The following CSMD1 variants were observed in gnomAD, a reference collection of about 807,000 sequenced individuals.
CSMD1 encodes CUB and Sushi multiple domains 1, also known as CUB and sushi domain-containing protein 1.
CSMD1 carries 213 observed loss-of-function variants against 417.5 expected under a neutral mutation model. The ratio of observed to expected loss-of-function variants is 0.51; its 90% confidence interval spans 0.46 to 0.57. The LOEUF (loss-of-function observed/expected upper bound fraction) is 0.57. CSMD1 is among the 20% of genes least tolerant of loss of function. CSMD1 has a pLI of 0.00. For missense variants in CSMD1, 6,923 were observed against 4,529.7 expected (o/e 1.53, Z -15.17); for synonymous variants, 2,862 against 1,736.8 (o/e 1.65, Z -16.11).
At chr8:4,818,594 T>C (rs1359689534) in intron 1 of CSMD1, among the ~76,000 whole-genome samples, 1 of 152,170 alleles carries the variant, frequency 6.6e-6, no homozygotes, top group Non-Finnish European at 1.5e-5. Flanking sequence ...AAATCATGTG[T>C]CAGGCCACTT....
intron 1 of CSMD1, among the ~76,000 whole-genome samples, chr8:4,640,276 A>G (rs931319730): frequency 6.6e-6 from 1 of 152,230 alleles, no homozygotes; most frequent in Non-Finnish European, 1.5e-5. Flanking sequence ...AGCAGAATGA[A>G]TATCATCGTT....
intron 1 of CSMD1, among the ~76,000 whole-genome samples, chr8:4,823,517 C>T (rs1799637457): frequency 6.6e-6 from 1 of 152,014 alleles, no homozygotes; most frequent in Admixed American, 6.6e-5. Flanking sequence ...TTGCAATGTA[C>T]CTCATCTATA....
intron 7 of CSMD1, among the ~76,000 whole-genome samples, chr8:3,655,459 TATA>T (rs1798053897): frequency 6.6e-6 from 1 of 152,186 alleles, no homozygotes; most frequent in Non-Finnish European, 1.5e-5. Context: ...TCTACATAAT[TATA>T]ATGACAAACA....
At chr8:3,278,208 A>G (rs1257224603) in intron 26 of CSMD1, among the ~76,000 whole-genome samples, 2 of 152,200 alleles carry the variant, frequency 1.3e-5, no homozygotes, top group East Asian at 1.9e-4. Flanking sequence ...AGAGAGTCAA[A>G]TAAGTGTTTA....
At chr8:4,026,337 T>C (rs1797064169) in intron 4 of CSMD1, among the ~76,000 whole-genome samples, 1 of 152,222 alleles carries the variant, frequency 6.6e-6, no homozygotes, top group Non-Finnish European at 1.5e-5. Flanking sequence ...TGTAATAATC[T>C]ATAATACAGA....
At chr8:4,294,237 T>G (rs1259878865) in intron 3 of CSMD1, among the ~76,000 whole-genome samples, 1 of 152,192 alleles carries the variant, frequency 6.6e-6, no homozygotes, top group African/African-American at 2.4e-5. Context: ...CATCTCTGAA[T>G]TGATAGCATA....
chr8:2,951,393 T>A, intron 65 of CSMD1, 118 bp from the exon 66 acceptor site: 1 of 1,070,724 alleles, frequency 9.3e-7, no homozygotes, highest in Non-Finnish European at 1.3e-6. Context: ...AGGGCAGTGA[T>A]GAAGACAAGA....
rs1386917926 is a variant in CSMD1 at position 4,519,517 on chromosome 8, A to G, written c.303-99452T>C. Among the ~76,000 whole-genome samples, 60 of 151,806 alleles carry G rather than the reference A, an allele frequency of 4.0e-4. 1 individual carries two copies. The highest frequency in any genetic ancestry group is 3.9e-3 in the Admixed American group (59 of 15,226). ...CACTTTGGGAGGCCAAGCAGGGTGG[A>G]TCATCTGAGGTCAGGAGTTCAAGAC... On this transcript the variant is annotated intron_variant, in intron 2 of 69. Coordinates refer to ENST00000635120, the MANE Select transcript of CSMD1 (RefSeq NM_033225.6).
In CSMD1 at chr8:3,266,159, C is replaced by A. The variant is rs1801414596; in HGVS notation, c.4153+17985G>T. ...ACCTGATGTCCTGAGACCAACCCTC[C>A]AGGACACCTGCCTCTCAAGGGCAAG... On this transcript the variant is annotated intron_variant, in intron 26 of 69. Transcript: ENST00000635120. 4.0e-5 allele frequency among the ~76,000 whole-genome samples: 6 copies of A among 151,044 alleles called. No homozygotes were observed. The South Asian group carries it at 1.3e-3, about 32-fold the overall frequency.
Position 3,409,563 on chromosome 8 carries a change from T to A in CSMD1, c.1604A>T (p.Tyr535Phe), listed in dbSNP as rs771638156. The change falls in exon 13 of 70, where the codon TAT (tyrosine) becomes TTT (phenylalanine). Residue 535 changes from tyrosine to phenylalanine, a missense_variant. Physicochemically the swap from Tyr to Phe is conservative, Grantham distance 22. Coordinates refer to ENST00000635120, the MANE Select transcript of CSMD1 (RefSeq NM_033225.6). ...GGCGDPGIPA[Y>F]GKRTGSSFLH... ...GAAACTGCTGCCCGTCCGCTTCCCATAGGCGGGGATTCCAGGATCCCCACA... is the reference window on the plus strand; with the variant it reads ...GAAACTGCTGCCCGTCCGCTTCCCAAAGGCGGGGATTCCAGGATCCCCACA... 1.2e-6 allele frequency: 2 copies of A among 1,609,498 alleles called. No individual in the cohort carries two copies. Among genetic ancestry groups the A allele is most frequent in the Admixed American group, 1.7e-5 (1 of 59,548 alleles).
At chr8:4,030,062 G>C (rs1474997993) in intron 4 of CSMD1, among the ~76,000 whole-genome samples, 2 of 152,212 alleles carry the variant, frequency 1.3e-5, no homozygotes, top group African/African-American at 4.8e-5. Flanking sequence ...CTGTGACTTT[G>C]AAGAATACAG....
Position 3,410,729 on chromosome 8 carries a change from G to A in CSMD1, c.1562-1124C>T, listed in dbSNP as rs555681741. ...AATACAGGGGTTATGTTTTATGGAG[G>A]AAAATTTTTTAAAATTATTATTTTT... is the stretch of plus-strand genomic sequence containing the variant. On this transcript the variant is annotated intron_variant, in intron 12 of 69. Transcript: ENST00000635120. Among the ~76,000 whole-genome samples the A allele has an allele frequency of 2.6e-5, 4 of 152,204 alleles. No homozygotes were observed. In the South Asian group the frequency reaches 8.3e-4, roughly 32 times the overall value.
intron 5 of CSMD1, among the ~76,000 whole-genome samples, chr8:3,871,881 G>A (rs549157916): frequency 6.6e-6 from 1 of 152,214 alleles, no homozygotes; most frequent in African/African-American, 2.4e-5. Context: ...AAAATAACAG[G>A]TGTTGATTTT....
chr8:4,781,396 A>T (rs1797145166), intron 1 of CSMD1, among the ~76,000 whole-genome samples: 1 of 152,074 alleles, frequency 6.6e-6, no homozygotes, highest in African/African-American at 2.4e-5. Flanking sequence ...CATTTATCTT[A>T]CCCCCATCCA....
At chr8:3,599,163 C>CTCTGTG (rs1018831922) in intron 8 of CSMD1, among the ~76,000 whole-genome samples, 2 of 126,722 alleles carry the variant, frequency 1.6e-5, no homozygotes, top group African/African-American at 6.2e-5. Context: ...GTGTGTGTGT[C>CTCTGTG]TGTGTGTGTG....
At chr8:3,280,808 A>G (rs1802675886) in intron 26 of CSMD1, among the ~76,000 whole-genome samples, 1 of 152,162 alleles carries the variant, frequency 6.6e-6, no homozygotes, top group East Asian at 1.9e-4. Context: ...ATATGAGAAG[A>G]AACATTTCCA....
chr8:4,436,035 G>C (rs775965888), intron 2 of CSMD1, among the ~76,000 whole-genome samples: 6 of 152,048 alleles, frequency 3.9e-5, no homozygotes, highest in Non-Finnish European at 5.9e-5. Flanking sequence ...TAAAATATAA[G>C]ACCCAATCAA....
intron 1 of CSMD1, among the ~76,000 whole-genome samples, chr8:4,855,067 G>A (rs1801712124): frequency 6.6e-6 from 1 of 152,114 alleles, no homozygotes; most frequent in Non-Finnish European, 1.5e-5. Flanking sequence ...CTGGAGATCT[G>A]AGAACGGGCA....
chr8:4,879,780 G>C (rs1055329530), intron 1 of CSMD1, among the ~76,000 whole-genome samples: 1 of 152,100 alleles, frequency 6.6e-6, no homozygotes, highest in Non-Finnish European at 1.5e-5. Flanking sequence ...ACAGGGGACA[G>C]ATGAATGCAT....
Sources: gnomAD v4.1 joint callset for allele counts (sites outside exome capture counted in the v4.1 genomes callset) on GRCh38, gnomAD v4.1.1 for gene constraint, MANE v1.5 for transcripts, NCBI Gene and HGNC (gene_info 2026-07-23, HGNC 2026-07-21) for gene names.